KIAA1217: variants seen among roughly 807,000 people sequenced by gnomAD.
The protein encoded by KIAA1217 is sickle tail protein homolog.
KIAA1217 carries 88 observed loss-of-function variants against 163.9 expected under a neutral mutation model. The observed-to-expected ratio is 0.54, with a 90% CI of 0.45 to 0.64. The LOEUF is 0.64. Among genes scored for constraint, KIAA1217 ranks in the 30% least tolerant of loss-of-function variants. The pLI is 0.00. For synonymous variants in KIAA1217, 903 were observed against 923.1 expected (o/e 0.98, Z 0.39); for missense variants, 2,372 against 2,475.0 (o/e 0.96, Z 0.88).
At chr10:24,304,175 T>G (rs1564437048) in intron 2 of KIAA1217, among the ~76,000 whole-genome samples, 1 of 151,018 alleles carries the variant, frequency 6.6e-6, no homozygotes, top group Non-Finnish European at 1.5e-5. Flanking sequence ...TTGTCATTGC[T>G]TCATCATTTC....
intron 13 of KIAA1217, 67 bp downstream of exon 13, chr10:24,524,831 G>C: frequency 7.6e-7 from 1 of 1,313,110 alleles, no homozygotes; most frequent in South Asian, 1.5e-5. Context: ...TTCCCTTAAA[G>C]CATTTATAGG....
At chr10:23,787,357 T>G (rs992175) in intron 1 of KIAA1217, among the ~76,000 whole-genome samples, 36,858 of 152,088 alleles carry the variant, frequency 0.24, 4,613 homozygotes, top group Middle Eastern at 0.3. Flanking sequence ...AGGTATTGGG[T>G]ATATAACGGT....
In KIAA1217 at chr10:24,175,023, A is replaced by ATT. The variant is rs56155837; in HGVS notation, c.-170-44592_-170-44591dup. Among the ~76,000 whole-genome samples the ATT allele has an allele frequency of 1.5e-3, 223 of 148,748 alleles. 1 individual carries two copies. The highest frequency in any genetic ancestry group is 7.7e-3 in the South Asian group (36 of 4,678). ...AGGTGTGCACCACCATGCCTGGCTA[A>ATT]TTTTTTTTTTTTATTTTCAGTAGAG... On this transcript the variant is annotated intron_variant, in intron 2 of 18. Transcript: ENST00000376462.
intron 1 of KIAA1217, among the ~76,000 whole-genome samples, chr10:23,908,066 C>T (rs908376295): frequency 3.9e-5 from 6 of 151,950 alleles, no homozygotes; most frequent in Non-Finnish European, 8.8e-5. Flanking sequence ...AGCAAATGAC[C>T]GTAAGAAGAC....
intron 2 of KIAA1217, among the ~76,000 whole-genome samples, chr10:24,295,818 C>T (rs1220476185): frequency 2.0e-5 from 3 of 152,160 alleles, no homozygotes; most frequent in Non-Finnish European, 1.5e-5. Flanking sequence ...CTTCTTCATC[C>T]CAGACATGCT....
chr10:23,908,065 C>T (rs1250709372), intron 1 of KIAA1217, among the ~76,000 whole-genome samples: 1 of 151,978 alleles, frequency 6.6e-6, no homozygotes, highest in Admixed American at 6.6e-5. Flanking sequence ...GAGCAAATGA[C>T]CGTAAGAAGA....
intron 1 of KIAA1217, among the ~76,000 whole-genome samples, chr10:23,714,210 G>A (rs573087996): frequency 6.7e-6 from 1 of 149,812 alleles, no homozygotes; most frequent in Non-Finnish European, 1.5e-5. Flanking sequence ...TATTGCTGAA[G>A]CGTTCATGAT....
At chr10:24,207,158 T>C (rs941625748), upstream of KIAA1217, among the ~76,000 whole-genome samples, 1 of 152,038 alleles carries the variant, frequency 6.6e-6, no homozygotes, top group African/African-American at 2.4e-5. Context: ...AAATGACAGG[T>C]AGGAGCTGTT....
At chr10:23,810,268 T>A (rs999415748) in intron 1 of KIAA1217, among the ~76,000 whole-genome samples, 1 of 149,650 alleles carries the variant, frequency 6.7e-6, no homozygotes, top group African/African-American at 2.4e-5. Flanking sequence ...TACCTACCTG[T>A]CTATCTGTAT....
intron 2 of KIAA1217, among the ~76,000 whole-genome samples, chr10:24,089,730 G>A (rs146015177): frequency 0.12 from 18,524 of 151,646 alleles, 3,037 homozygotes; most frequent in African/African-American, 0.36. Flanking sequence ...CAGGTAGCGT[G>A]ACAAAGGATG....
intron 1 of KIAA1217, among the ~76,000 whole-genome samples, chr10:23,696,043 G>C (rs1339865194): frequency 6.6e-6 from 1 of 152,196 alleles, no homozygotes; most frequent in Non-Finnish European, 1.5e-5. Flanking sequence ...TGCTTCGAGG[G>C]CGGGCGAGAC....
intron 1 of KIAA1217, among the ~76,000 whole-genome samples, chr10:23,967,562 A>G (rs1044156753): frequency 7.9e-5 from 12 of 152,198 alleles, no homozygotes; most frequent in East Asian, 5.8e-4. Context: ...AGTGTATTCA[A>G]TATCACTTAT....
chr10:24,486,871 G>T (rs935449606), intron 6 of KIAA1217, among the ~76,000 whole-genome samples: 1 of 152,014 alleles, frequency 6.6e-6, no homozygotes, highest in Admixed American at 6.6e-5. Context: ...TAACCTCCAC[G>T]TAAGCAAGGA....
At chr10:24,376,826 C>T (rs2052568029) in intron 2 of KIAA1217, among the ~76,000 whole-genome samples, 1 of 152,116 alleles carries the variant, frequency 6.6e-6, no homozygotes, top group South Asian at 2.1e-4. Context: ...TGGAGTGCGC[C>T]ACACGTGATC....
At chr10:23,712,212 C>T (rs12359575) in intron 1 of KIAA1217, among the ~76,000 whole-genome samples, 37,824 of 151,814 alleles carry the variant, frequency 0.25, 5,458 homozygotes, top group African/African-American at 0.39. Flanking sequence ...TGCTTCTCTG[C>T]AGTTTGAGGG....
At chr10:24,509,849 C>T (rs143116151) in intron 9 of KIAA1217, among the ~76,000 whole-genome samples, 36 of 152,052 alleles carry the variant, frequency 2.4e-4, no homozygotes, top group African/African-American at 8.7e-4. Context: ...TTAAGAAAAT[C>T]ATAAGAAAGG....
At position 24,473,630 on chromosome 10, in the gene KIAA1217, G is replaced by A; in HGVS notation, c.1249G>A (p.Val417Ile). The change falls in exon 6 of 21, where the codon GTC becomes ATC. Residue 417 changes from valine (V) to isoleucine (I), a missense_variant. Val to Ile is a conservative substitution (Grantham distance 29, BLOSUM62 3). Around this residue, in one of 3 missense-constraint regions of KIAA1217, gnomAD observed 1,431 missense variants for 1,470.3 expected, o/e 0.97. Transcript: ENST00000376454. ...ATCCCATGGTGGACACCCACTGGAT[G>A]TCCCCGACCACATCATTGCATATCA... The part of the protein sequence containing the change: ...ASSHGGHPLD[V>I]PDHIIAYHRT... 1 of 1,614,160 alleles carries A rather than the reference G, an allele frequency of 6.2e-7. No individual in the cohort carries two copies. The highest frequency in any genetic ancestry group is 8.5e-7 in the Non-Finnish European group (1 of 1,180,034).
intron 2 of KIAA1217, among the ~76,000 whole-genome samples, chr10:24,063,034 T>C (rs2060793373): frequency 6.6e-6 from 1 of 152,156 alleles, no homozygotes; most frequent in Admixed American, 6.5e-5. Flanking sequence ...AGATTCTGGA[T>C]ATTAGCCCTT....
At chr10:24,093,986 T>A (rs1589468617) in intron 2 of KIAA1217, among the ~76,000 whole-genome samples, 1 of 151,954 alleles carries the variant, frequency 6.6e-6, no homozygotes, top group Admixed American at 6.6e-5. Context: ...GAACTCATCA[T>A]TTTTTATGGC....
Sources: allele counts gnomAD v4.1 joint callset (sites outside exome capture counted in the v4.1 genomes callset), GRCh38; gene constraint gnomAD v4.1.1; regional missense constraint gnomAD v4.1.1; transcripts MANE v1.5; gene names NCBI Gene and HGNC (gene_info 2026-07-23, HGNC 2026-07-21).